The following FASLG variants were observed in gnomAD, a reference collection of about 807,000 sequenced individuals.
The protein encoded by FASLG is Fas ligand.
FASLG carries 9 observed loss-of-function variants against 24.6 expected under a neutral mutation model. The ratio of observed to expected loss-of-function variants is 0.37; its 90% confidence interval spans 0.22 to 0.64. FASLG has a LOEUF of 0.64. Ranked by LOEUF, FASLG falls within the 30% of genes least tolerant of loss-of-function variation. The probability of loss-of-function intolerance (pLI) is 0.64; values close to 1 mark genes in which losing one functional copy is unlikely to be tolerated. For missense variants in FASLG, 306 were observed against 345.3 expected (o/e 0.89, Z 0.90); for synonymous variants, 130 against 135.5 (o/e 0.96, Z 0.28).
intron 2 of FASLG, among the ~76,000 whole-genome samples, chr1:172,662,548 C>G (rs1659165959): frequency 6.7e-6 from 1 of 149,916 alleles, no homozygotes; most frequent in Admixed American, 6.7e-5. Context: ...ACCTGAGAAT[C>G]TTCTTTAAGG....
At chr1:172,660,254 A>AG in intron 2 of FASLG, 114 bp downstream of exon 2, 1 of 1,032,078 alleles carries the variant, frequency 9.7e-7, no homozygotes, top group Admixed American at 1.8e-5. Flanking sequence ...ACACTATAAG[A>AG]GGAATTCTGG....
At position 172,666,582 on chromosome 1, in the gene FASLG, AAC is replaced by A. The variant is rs1361832665; in HGVS notation, c.*570_*571del. ...TGTTTTGGGGACTCATTTCATTCCTAACACAGCATGTGTATTTCCAGTGCAAT... is the reference window on the plus strand; with the variant it reads ...TGTTTTGGGGACTCATTTCATTCCTAACAGCATGTGTATTTCCAGTGCAAT... On this transcript the variant is annotated 3_prime_UTR_variant, in exon 4 of 4. Transcript: ENST00000367721. 1.3e-5 allele frequency: 2 copies of A among 158,982 alleles called. No individual in the cohort carries two copies. The highest frequency in any genetic ancestry group is 1.8e-4 in the East Asian group (1 of 5,582). 9.8% of individuals were successfully genotyped at this position (158,982 alleles called of 1,614,324 possible).
intron 2 of FASLG, among the ~76,000 whole-genome samples, chr1:172,661,738 A>C (rs886547861): frequency 1.2e-4 from 18 of 152,216 alleles, no homozygotes; most frequent in African/African-American, 3.9e-4. Context: ...AAAATAGGGA[A>C]TACCAATTTT....
chr1:172,660,267 A>G, intron 2 of FASLG, 127 bp downstream of exon 2: 1 of 907,426 alleles, frequency 1.1e-6, no homozygotes, highest in Non-Finnish European at 1.8e-6. Flanking sequence ...AATTCTGGCT[A>G]ATTCAGAATC....
At chr1:172,665,300 C>CT in intron 3 of FASLG, among the ~76,000 whole-genome samples, 1 of 152,310 alleles carries the variant, frequency 6.6e-6, no homozygotes, top group East Asian at 1.9e-4. Flanking sequence ...CAGGAAAGGA[C>CT]TTCAAAGCCT....
chr1:172,664,233 G>A, intron 2 of FASLG, 101 bp from the exon 3 acceptor site: 3 of 1,285,754 alleles, frequency 2.3e-6, no homozygotes, highest in Non-Finnish European at 3.3e-6. Flanking sequence ...GCCATTTACG[G>A]TTTTAAAATC....
Position 172,659,568 on chromosome 1 carries a change from T to A in FASLG, c.348+19T>A. On this transcript the variant is annotated intron_variant, in intron 1 of 3. Coordinates refer to ENST00000367721, the MANE Select transcript of FASLG (RefSeq NM_000639.3). ...CCGAGAGGTAAGCCTGCCGGCAGAC[T>A]GCTGTGCCCTGGAGGCACCAGGCAT... The A allele has an allele frequency of 6.2e-7, 1 of 1,612,348 alleles. No individual in the cohort carries two copies. Among genetic ancestry groups the A allele is most frequent in the Non-Finnish European group, 8.5e-7 (1 of 1,179,722 alleles).
intron 2 of FASLG, among the ~76,000 whole-genome samples, chr1:172,662,380 T>A (rs1659161000): frequency 6.6e-6 from 1 of 152,254 alleles, no homozygotes; most frequent in Non-Finnish European, 1.5e-5. Flanking sequence ...TTAAATCTTT[T>A]ATTCATTCAC....
intron 3 of FASLG, among the ~76,000 whole-genome samples, chr1:172,665,324 CT>C (rs1249325985): frequency 6.6e-6 from 1 of 152,178 alleles, no homozygotes; most frequent in African/African-American, 2.4e-5. Context: ...AGATTTGGTG[CT>C]AGTTCTGAAG....
At position 172,666,374 on chromosome 1, in the gene FASLG, C is replaced by T. The variant is rs979075502; in HGVS notation, c.*358C>T. Reference sequence around the variant, plus strand: ...CCTCTCAAGGTGGGCCTTGCTACCTCAAGGGGGACTGTCTTTCAGATACAT... The same window carrying T: ...CCTCTCAAGGTGGGCCTTGCTACCTTAAGGGGGACTGTCTTTCAGATACAT... On this transcript the variant is annotated 3_prime_UTR_variant, in exon 4 of 4. Coordinates refer to ENST00000367721, the MANE Select transcript of FASLG (RefSeq NM_000639.3). 2 of 236,246 alleles carry T rather than the reference C, an allele frequency of 8.5e-6. No individual in the cohort carries two copies. Among genetic ancestry groups the T allele is most frequent in the African/African-American group, 4.4e-5 (2 of 45,104 alleles). The allele number at this position is 236,246 out of a possible 1,614,324, so 14.6% of individuals were successfully genotyped here. A position where few individuals can be genotyped will look rare whatever the true frequency, so the allele number is the denominator to read the frequency against.
Position 172,659,466 on chromosome 1 carries a change from A to T in FASLG, c.265A>T (p.Met89Leu). The change falls in exon 1 of 4, where the codon ATG becomes TTG. Residue 89 changes from methionine to leucine, a missense_variant. By Grantham distance (15) the Met-to-Leu change is conservative. Coordinates refer to ENST00000367721, the MANE Select transcript of FASLG (RefSeq NM_000639.3). ...CCTGTGTCTCCTTGTGATGTTTTTCATGGTTCTGGTTGCCTTGGTAGGATT... is the reference window on the plus strand; with the variant it reads ...CCTGTGTCTCCTTGTGATGTTTTTCTTGGTTCTGGTTGCCTTGGTAGGATT... ...TGLCLLVMFF[M>L]VLVALVGLGL... 6.2e-7 allele frequency: 1 copy of T among 1,613,896 alleles called. No homozygotes were observed. Among genetic ancestry groups the T allele is most frequent in the South Asian group, 1.1e-5 (1 of 91,050 alleles).
chr1:172,660,974 T>A (rs1317784666), intron 2 of FASLG, among the ~76,000 whole-genome samples: 1 of 152,246 alleles, frequency 6.6e-6, no homozygotes, highest in Non-Finnish European at 1.5e-5. Context: ...AGAATATATC[T>A]AGTCCAGCCA....
chr1:172,660,071 T>A lies in FASLG; in HGVS notation c.349-24T>A, dbSNP rs370125821. ...TAAAGAATTTTATTTTTATTATACATCTTTTCTCTTTCTGTTTTACTAGTC... is the reference window on the plus strand; with the variant it reads ...TAAAGAATTTTATTTTTATTATACAACTTTTCTCTTTCTGTTTTACTAGTC... On this transcript the variant is annotated intron_variant, in intron 1 of 3. Coordinates refer to ENST00000367721, the MANE Select transcript of FASLG (RefSeq NM_000639.3). The A allele has an allele frequency of 1.7e-5, 27 of 1,611,230 alleles. 1 individual carries two copies. The African/African-American group carries it at 3.2e-4, about 19-fold the overall frequency.
At position 172,666,004 on chromosome 1, in the gene FASLG, A is replaced by T. The variant is rs1571333854; in HGVS notation, c.834A>T (p.Leu278Phe). The change falls in exon 4 of 4, where the codon TTA becomes TTT. Residue 278 changes from leucine to phenylalanine, a missense_variant. Physicochemically the swap from Leu to Phe is conservative, Grantham distance 22. Transcript: ENST00000367721. ...NFEESQTFFG[L>F]YKL is the part of the protein sequence containing the mutation. ...AGGAATCTCAGACGTTTTTCGGCTT[A>T]TATAAGCTCTAAGAGAAGCACTTTG... is the stretch of plus-strand genomic sequence containing the variant. 1 of 1,614,170 alleles carries T rather than the reference A, an allele frequency of 6.2e-7. No homozygotes were observed. Among genetic ancestry groups the T allele is most frequent in the Non-Finnish European group, 8.5e-7 (1 of 1,180,022 alleles).
intron 3 of FASLG, 121 bp from the exon 4 acceptor site, chr1:172,665,501 A>G: frequency 8.7e-7 from 1 of 1,143,842 alleles, no homozygotes; most frequent in Non-Finnish European, 1.3e-6. Flanking sequence ...CCAGTTCTAT[A>G]CCAGCTGTCA....
intron 3 of FASLG, among the ~76,000 whole-genome samples, chr1:172,664,988 C>T (rs1171093835): frequency 1.3e-5 from 2 of 152,230 alleles, no homozygotes; most frequent in African/African-American, 2.4e-5. Context: ...CCGGTCACAT[C>T]AGCAGACACT....
At chr1:172,660,239 T>A in intron 2 of FASLG, 99 bp downstream of exon 2, 2 of 1,183,060 alleles carry the variant, frequency 1.7e-6, no homozygotes, top group Non-Finnish European at 2.5e-6. Context: ...CACTTTGGTT[T>A]CTGTACACTA....
rs2101806696 is a variant in FASLG, at chr1:172,659,514, T to C, written c.313T>C (p.Phe105Leu). 1 of 1,613,988 alleles carries C rather than the reference T, an allele frequency of 6.2e-7. No individual in the cohort carries two copies. Among genetic ancestry groups the C allele is most frequent in the Non-Finnish European group, 8.5e-7 (1 of 1,180,002 alleles). The change falls in exon 1 of 4, where the codon TTC becomes CTC. Residue 105 changes from phenylalanine to leucine, a missense_variant. Coordinates refer to ENST00000367721, the MANE Select transcript of FASLG (RefSeq NM_000639.3). ...ATTGGGCCTGGGGATGTTTCAGCTC[T>C]TCCACCTACAGAAGGAGCTGGCAGA... is the stretch of plus-strand genomic sequence containing the variant. ...VGLGLGMFQL[F>L]HLQKELAELR...
intron 3 of FASLG, among the ~76,000 whole-genome samples, chr1:172,664,865 A>AATGAT (rs1389416373): frequency 2.0e-5 from 3 of 152,240 alleles, no homozygotes; most frequent in Non-Finnish European, 4.4e-5. Context: ...AGTGGAGTGA[A>AATGAT]ATGATATGGT....
Sources: gnomAD v4.1 joint callset for allele counts (sites outside exome capture counted in the v4.1 genomes callset) on GRCh38, gnomAD v4.1.1 for gene constraint, MANE v1.5 for transcripts, NCBI Gene and HGNC (gene_info 2026-07-23, HGNC 2026-07-21) for gene names.